Variants in TTC13 observed in about 807,000 individuals in gnomAD.
TTC13 encodes the protein tetratricopeptide repeat domain 13, also known as tetratricopeptide repeat protein 13.
In TTC13, 62 loss-of-function variants were observed where a neutral mutation model predicts 120.0. The ratio of observed to expected loss-of-function variants is 0.52; its 90% confidence interval spans 0.42 to 0.64. The LOEUF is 0.64. TTC13 is among the 30% of genes least tolerant of loss of function. The pLI is 0.00. For missense variants in TTC13, 824 were observed against 1,050.2 expected, an observed-to-expected ratio of 0.78 and a Z score of 2.98; for synonymous variants, 384 against 393.5, an observed-to-expected ratio of 0.98 and a Z score of 0.28.
intron 1 of TTC13, among the ~76,000 whole-genome samples, chr1:230,975,384 G>GA (rs773545535): frequency 3.3e-5 from 5 of 151,878 alleles, no homozygotes; most frequent in Non-Finnish European, 7.4e-5. Flanking sequence ...TAAAAAAATA[G>GA]AAAAAACAAC....
At chr1:230,954,961 A>G (rs956531590) in intron 3 of TTC13, among the ~76,000 whole-genome samples, 1 of 152,224 alleles carries the variant, frequency 6.6e-6, no homozygotes, top group Non-Finnish European at 1.5e-5. Flanking sequence ...TACTTCTTCC[A>G]TTCAAAATAT....
intron 4 of TTC13, among the ~76,000 whole-genome samples, chr1:230,949,948 C>T (rs1225955986): frequency 6.6e-6 from 1 of 152,148 alleles, no homozygotes; most frequent in Non-Finnish European, 1.5e-5. Context: ...CACGCCCGGC[C>T]CAATTTATTC....
chr1:230,908,620 G>A (rs1176860365), intron 22 of TTC13, 92 bp downstream of exon 22: 1 of 927,506 alleles, frequency 1.1e-6, no homozygotes, highest in African/African-American at 1.7e-5. Context: ...GAGTATAACA[G>A]TTCCAGTTTT....
intron 4 of TTC13, among the ~76,000 whole-genome samples, chr1:230,951,898 A>AT (rs1299915380): frequency 6.6e-6 from 1 of 152,224 alleles, no homozygotes; most frequent in African/African-American, 2.4e-5. Context: ...TTCTTTGGAC[A>AT]TTTGCTATCA....
chr1:230,964,433 T>C (rs1050064207), intron 1 of TTC13, among the ~76,000 whole-genome samples: 3 of 152,194 alleles, frequency 2.0e-5, no homozygotes, highest in Non-Finnish European at 2.9e-5. Context: ...GTACTGACAT[T>C]CTTTTTAATC....
Position 230,978,214 on chromosome 1 carries a change from G to A in TTC13, c.271+346C>T, listed in dbSNP as rs1038969420. Among the ~76,000 whole-genome samples, 1 of 152,112 alleles carries A rather than the reference G, an allele frequency of 6.6e-6. No homozygotes were observed. Among genetic ancestry groups the A allele is most frequent in the African/African-American group, 2.4e-5 (1 of 41,434 alleles). ...CTCGCCCCTTCGGCATCCTCGGGAG[G>A]CCGGCGGCGGGAACAGGGCTGCCCC... is the stretch of plus-strand genomic sequence containing the variant. On this transcript the variant is annotated intron_variant, in intron 1 of 22. Transcript: ENST00000366661. This position sits in a 1 kb window ranked among gnomAD's most constrained non-coding sequence, Gnocchi z 5.6.
intron 1 of TTC13, among the ~76,000 whole-genome samples, chr1:230,977,387 T>C (rs975281823): frequency 6.6e-6 from 1 of 152,140 alleles, no homozygotes; most frequent in African/African-American, 2.4e-5. Flanking sequence ...TGCTCAGAGA[T>C]ACAGAAAGTG....
At chr1:230,932,661 T>C (rs1352202130) in intron 9 of TTC13, among the ~76,000 whole-genome samples, 1 of 152,242 alleles carries the variant, frequency 6.6e-6, no homozygotes. Flanking sequence ...TCAATAATTC[T>C]GTGAGACAGG....
chr1:230,948,624 G>A (rs1472165309), intron 4 of TTC13, among the ~76,000 whole-genome samples: 1 of 151,840 alleles, frequency 6.6e-6, no homozygotes, highest in Admixed American at 6.6e-5. Flanking sequence ...AGTACCTGAG[G>A]CTATAGGAGT....
rs779840804 is a variant in TTC13, at chr1:230,929,055, G to A, written c.1339C>T (p.Leu447Phe). The change falls in exon 12 of 23, where the codon CTT (leucine) becomes TTT (phenylalanine). Residue 447 changes from leucine (L) to phenylalanine (F), a missense_variant. Physicochemically the swap from Leu to Phe is conservative, Grantham distance 22. Around this residue, in one of 4 missense-constraint regions of TTC13, gnomAD observed 430 missense variants for 626.8 expected, o/e 0.69. Transcript: ENST00000366661. ...RYLHAHLDTP[L>F]TEYNIDVDLP... ...TCCACATCAATGTTATATTCCGTAA[G>A]GGGGGTATCAAGGTGTGCATGAAGA... is the stretch of plus-strand genomic sequence containing the variant. 1 of 1,614,134 alleles carries A rather than the reference G, an allele frequency of 6.2e-7. No homozygotes were observed. Among genetic ancestry groups the A allele is most frequent in the Non-Finnish European group, 8.5e-7 (1 of 1,180,004 alleles).
intron 22 of TTC13, 159 bp downstream of exon 22, chr1:230,908,553 T>A: frequency 1.5e-6 from 1 of 660,134 alleles, no homozygotes; most frequent in Non-Finnish European, 2.6e-6. Flanking sequence ...CAGCAAAACA[T>A]TTTAACCTTG....
At chr1:230,928,066 G>A (rs1000060217) in intron 12 of TTC13, among the ~76,000 whole-genome samples, 1 of 152,122 alleles carries the variant, frequency 6.6e-6, no homozygotes, top group South Asian at 2.1e-4. Context: ...CTGGTAAGAT[G>A]AGAAGCTTCC....
rs528333158 is a variant in TTC13 at position 230,961,027 on chromosome 1, T to C, written c.366+182A>G. Among the ~76,000 whole-genome samples, 4 of 152,326 alleles carry C rather than the reference T, an allele frequency of 2.6e-5. No homozygotes were observed. The South Asian group carries it at 8.3e-4, about 32-fold the overall frequency. ...ATTAAAAGTTCTATGTCCAGAATAA[T>C]CAACCATCCAATTCATAAGTCATAA... On this transcript the variant is annotated intron_variant, in intron 2 of 22. Coordinates refer to ENST00000366661, the MANE Select transcript of TTC13 (RefSeq NM_024525.5).
rs7536683 is a variant in TTC13, at chr1:230,970,889, G to C, written c.271+7671C>G. Among the ~76,000 whole-genome samples the C allele has an allele frequency of 2.8e-3, 421 of 152,314 alleles. 4 individuals carry two copies. Among genetic ancestry groups the C allele is most frequent in the African/African-American group, 9.1e-3 (379 of 41,582 alleles). ...CCCTTGGATGAGCTACAACTTAAAA[G>C]TAGAGTGCCAGATATTTATTGACAA... On this transcript the variant is annotated intron_variant, in intron 1 of 22. Coordinates refer to ENST00000366661, the MANE Select transcript of TTC13 (RefSeq NM_024525.5).
rs762758954 is a variant in TTC13 at position 230,939,518 on chromosome 1, G to A, written c.790-22C>T. On this transcript the variant is annotated intron_variant, in intron 7 of 22. Coordinates refer to ENST00000366661, the MANE Select transcript of TTC13 (RefSeq NM_024525.5). ...AGTCCTACAAAAAGGAGAGTGGGGG[G>A]AAAAATAAAATAGTATTCATTAGAT... is the stretch of plus-strand genomic sequence containing the variant. The A allele has an allele frequency of 1.2e-5, 18 of 1,500,218 alleles. No individual in the cohort carries two copies. The Admixed American group carries it at 1.4e-4, about 12-fold the overall frequency. The allele number at this position is 1,500,218 out of a possible 1,614,324, so 92.9% of individuals were successfully genotyped here. A position where few individuals can be genotyped will look rare whatever the true frequency, so the allele number is the denominator to read the frequency against.
intron 1 of TTC13, among the ~76,000 whole-genome samples, chr1:230,968,879 G>C (rs1677430502): frequency 6.6e-6 from 1 of 152,228 alleles, no homozygotes; most frequent in Admixed American, 6.5e-5. Flanking sequence ...ATGTAGTTAA[G>C]AAAGTCCAGA....
At chr1:230,947,953 C>T (rs1349824389) in intron 4 of TTC13, among the ~76,000 whole-genome samples, 2 of 152,148 alleles carry the variant, frequency 1.3e-5, no homozygotes, top group Non-Finnish European at 2.9e-5. Context: ...TCAGCATCCT[C>T]CCACCCACTC....
intron 4 of TTC13, among the ~76,000 whole-genome samples, chr1:230,951,482 A>G (rs1675576420): frequency 6.6e-6 from 1 of 152,230 alleles, no homozygotes; most frequent in Admixed American, 6.5e-5. Flanking sequence ...TTACTGGCTT[A>G]AAAATACTGC....
At chr1:230,915,316 A>T (rs1417445451) in intron 18 of TTC13, among the ~76,000 whole-genome samples, 2 of 151,682 alleles carry the variant, frequency 1.3e-5, no homozygotes, top group Non-Finnish European at 2.9e-5. Flanking sequence ...AGGGCATGGC[A>T]CTTCCCAAGG....
Sources: allele counts gnomAD v4.1 joint callset (sites outside exome capture counted in the v4.1 genomes callset), GRCh38; gene constraint gnomAD v4.1.1; regional missense constraint gnomAD v4.1.1; non-coding constraint Gnocchi (gnomAD v3.1); transcripts MANE v1.5; gene names NCBI Gene and HGNC (gene_info 2026-07-23, HGNC 2026-07-21).